KLHDC4: variants seen among roughly 807,000 people sequenced by gnomAD.
KLHDC4 encodes kelch domain containing 4.
A neutral mutation model predicts 62.4 loss-of-function variants in KLHDC4; 90 were observed. That is an observed-to-expected ratio of 1.44 (90% CI 1.22 to 1.72). KLHDC4 has a LOEUF of 1.72. KLHDC4 is among the 40% of genes most tolerant of loss of function. The pLI is 0.00. For synonymous variants in KLHDC4, 386 were observed against 284.4 expected, an observed-to-expected ratio of 1.36 and a Z score of -3.59; for missense variants, 1,025 against 699.7, an observed-to-expected ratio of 1.47 and a Z score of -5.25.
chr16:87,756,721 CA>C (rs35385743), intron 2 of KLHDC4, among the ~76,000 whole-genome samples: 35,953 of 99,124 alleles, frequency 0.36, 4,451 homozygotes, highest in African/African-American at 0.41. Flanking sequence ...GTTGTATTAA[CA>C]AAAAAAAAAA....
In KLHDC4 at chr16:87,711,245, C is replaced by G. The variant is rs775550740; in HGVS notation, c.1034G>C (p.Gly345Ala). 6.2e-7 allele frequency: 1 copy of G among 1,614,088 alleles called. No individual in the cohort carries two copies. Among genetic ancestry groups the G allele is most frequent in the Non-Finnish European group, 8.5e-7 (1 of 1,180,026 alleles). The change falls in exon 9 of 12, where the codon GGA becomes GCA. Residue 345 changes from glycine (G) to alanine (A), a missense_variant. Gly to Ala is a moderately conservative substitution (Grantham distance 60). Transcript: ENST00000270583. ...YDATRNRWFE[G>A]QLKGPKSEKK... is the part of the protein sequence containing the mutation. Reference sequence around the variant, plus strand: ...CAGAGGTTGCACTACCTTCAGCTGTCCCTCAAACCAACGGTTCCTGGTGGC... The same window carrying G: ...CAGAGGTTGCACTACCTTCAGCTGTGCCTCAAACCAACGGTTCCTGGTGGC...
chr16:87,709,522 G>C lies in KLHDC4; in HGVS notation c.1190C>G (p.Thr397Ser), dbSNP rs758716971. Residue 397 changes from threonine to serine, a missense_variant, in exon 10 of 12, where the codon ACC (threonine) becomes AGC (serine). Thr to Ser is a moderately conservative substitution (Grantham distance 58). Transcript: ENST00000270583. The part of the protein sequence containing the change: ...EVVAEDGTVV[T>S]IKQVLTAPGS... ...TGGCGCGGTGAGCACCTGCTTAATG[G>C]TGACCACGGTGCCATCCTCGGCCAC... The C allele has an allele frequency of 1.4e-5, 22 of 1,612,278 alleles. No homozygotes were observed. The highest frequency in any genetic ancestry group is 1.8e-5 in the Non-Finnish European group (21 of 1,179,968).
At chr16:87,743,071 A>C (rs766326235) in intron 5 of KLHDC4, 3 of 152,314 alleles carry the variant, frequency 2.0e-5, no homozygotes, top group Non-Finnish European at 4.4e-5. Flanking sequence ...ACCATCAGAC[A>C]TGAGGTCAAA....
At chr16:87,707,589 C>T (rs1374933630), downstream of KLHDC4, among the ~76,000 whole-genome samples, 1 of 152,182 alleles carries the variant, frequency 6.6e-6, no homozygotes, top group East Asian at 1.9e-4. Context: ...TATGGATGGG[C>T]AGTCAGGGCC....
intron 5 of KLHDC4, among the ~76,000 whole-genome samples, chr16:87,738,492 G>C (rs923929208): frequency 9.9e-5 from 15 of 152,208 alleles, no homozygotes; most frequent in African/African-American, 3.6e-4. Context: ...GAGCAGAAAA[G>C]TGGAAACAAC....
At chr16:87,763,498 G>C (rs990768569) in intron 1 of KLHDC4, 2 of 152,144 alleles carry the variant, frequency 1.3e-5, no homozygotes, top group Non-Finnish European at 2.9e-5. Context: ...CAAACTACTC[G>C]GGAGGCTGAG....
intron 5 of KLHDC4, among the ~76,000 whole-genome samples, chr16:87,741,429 GGAGT>G (rs2042224887): frequency 6.6e-6 from 1 of 152,180 alleles, no homozygotes; most frequent in South Asian, 2.1e-4. Context: ...GACTCTCACA[GGAGT>G]GAGAACCCTG....
intron 8 of KLHDC4, among the ~76,000 whole-genome samples, chr16:87,712,166 T>C (rs1597394901): frequency 1.3e-5 from 2 of 152,324 alleles, no homozygotes; most frequent in African/African-American, 4.8e-5. Context: ...CTATGTTCTC[T>C]CTTGGCACGC....
chr16:87,748,964 G>T (rs999237018), intron 4 of KLHDC4, among the ~76,000 whole-genome samples, 155 bp from the exon 5 acceptor site: 3 of 147,092 alleles, frequency 2.0e-5, no homozygotes, highest in African/African-American at 7.6e-5. Flanking sequence ...TGCCTCTAAG[G>T]GGAGGATTCC....
chr16:87,703,968 T>C (rs2034342861), downstream of KLHDC4, among the ~76,000 whole-genome samples: 2 of 152,218 alleles, frequency 1.3e-5, no homozygotes, highest in African/African-American at 4.8e-5. Flanking sequence ...CACAACACTC[T>C]TACACTGCCC....
At chr16:87,727,306 C>T (rs959557945) in intron 6 of KLHDC4, among the ~76,000 whole-genome samples, 13 of 152,166 alleles carry the variant, frequency 8.5e-5, no homozygotes, top group African/African-American at 1.7e-4. Flanking sequence ...AGCCATACTG[C>T]GTTTTCTTAC....
intron 5 of KLHDC4, among the ~76,000 whole-genome samples, chr16:87,743,734 C>T (rs181418145): frequency 2.8e-4 from 42 of 151,408 alleles, no homozygotes; most frequent in African/African-American, 7.8e-4. Flanking sequence ...AGCGCGACAC[C>T]GCCTCAAAAA....
rs182022470 is a variant in KLHDC4, at chr16:87,751,428, C to T, written c.370-2619G>A. On this transcript the variant is annotated intron_variant, in intron 4 of 11. Transcript: ENST00000270583. ...GGCAGAAGTTGCAGTGAGCTGAGGT[C>T]GCACCACTGCACTCCAGCCCGGGCA... 2.5e-3 allele frequency among the ~76,000 whole-genome samples: 384 copies of T among 150,698 alleles called. 9 individuals carry two copies. Among genetic ancestry groups the T allele is most frequent in the Admixed American group, 0.023 (346 of 15,098 alleles).
At chr16:87,730,766 C>A in intron 5 of KLHDC4, 122 bp from the exon 6 acceptor site, 1 of 789,554 alleles carries the variant, frequency 1.3e-6, no homozygotes, top group Non-Finnish European at 2.1e-6. Context: ...ACTTACTGCT[C>A]ACAAATTAAA....
At chr16:87,709,219 TG>T in intron 10 of KLHDC4, 45 bp downstream of exon 10, 1 of 1,576,154 alleles carries the variant, frequency 6.3e-7, no homozygotes, top group Middle Eastern at 1.7e-4. Context: ...CACACGACCG[TG>T]GGCTCTCGCT....
chr16:87,723,678 G>A lies in KLHDC4; in HGVS notation c.759+3087C>T, dbSNP rs4843682. Among the ~76,000 whole-genome samples, 766 of 152,306 alleles carry A rather than the reference G, an allele frequency of 5.0e-3. 6 individuals are homozygous for A. Among genetic ancestry groups the A allele is most frequent in the African/African-American group, 0.015 (632 of 41,562 alleles). Reference sequence around the variant, plus strand: ...AAAATCGGGTCATTCCGATCAACTCGGTACAATCTCTGACCAACTGCCATT... The same window carrying A: ...AAAATCGGGTCATTCCGATCAACTCAGTACAATCTCTGACCAACTGCCATT... On this transcript the variant is annotated intron_variant, in intron 7 of 11. Coordinates refer to ENST00000270583, the MANE Select transcript of KLHDC4 (RefSeq NM_017566.4).
At chr16:87,702,626 G>A (rs2034199951), upstream of KLHDC4, 4 of 234,456 alleles carry the variant, frequency 1.7e-5, no homozygotes, top group South Asian at 1.8e-4. Context: ...CCTGTCCCCA[G>A]AGCCCGGCGG....
rs372317880 is a variant in KLHDC4, at chr16:87,730,561, T to G, written c.590A>C (p.Glu197Ala). ...CGTTCTTGGTACCAACCGTGTACTT[T>G]CATGGAAGCCACCAAACAGGATCAA... ...RQLILFGGFH[E>A]STRDYIYYND... Residue 197 changes from glutamate (E) to alanine (A), a missense_variant, in exon 6 of 12, where the codon GAA becomes GCA. By Grantham distance (107) the Glu-to-Ala change is moderately radical. Transcript: ENST00000270583. 37 of 1,611,794 alleles carry G rather than the reference T, an allele frequency of 2.3e-5. No individual in the cohort carries two copies. Among genetic ancestry groups the G allele is most frequent in the Non-Finnish European group, 3.1e-5 (36 of 1,179,504 alleles).
At chr16:87,719,778 C>G (rs1000861452) in intron 7 of KLHDC4, among the ~76,000 whole-genome samples, 4 of 152,038 alleles carry the variant, frequency 2.6e-5, no homozygotes, top group Non-Finnish European at 4.4e-5. Context: ...TGCTGGAATG[C>G]AAAGACATCT....
Sources: allele counts gnomAD v4.1 joint callset (sites outside exome capture counted in the v4.1 genomes callset), GRCh38; gene constraint gnomAD v4.1.1; transcripts MANE v1.5; gene names NCBI Gene and HGNC (gene_info 2026-07-23, HGNC 2026-07-21).